Variants in WDR27 observed in about 807,000 individuals in gnomAD.
WDR27 encodes the protein WD repeat domain 27, also known as WD repeat-containing protein 27.
WDR27 carries 100 observed loss-of-function variants against 114.4 expected under a neutral mutation model. The observed-to-expected ratio is 0.87, with a 90% confidence interval of 0.74 to 1.03. WDR27 has a LOEUF of 1.03. Among genes scored for constraint, WDR27 ranks in the 50% least tolerant of loss-of-function variants. The pLI, the probability that WDR27 is intolerant of heterozygous loss-of-function variation, is 0.00. For synonymous variants in WDR27, 449 were observed against 423.1 expected, an observed-to-expected ratio of 1.06 and a Z score of -0.75; for missense variants, 1,129 against 1,092.9, an observed-to-expected ratio of 1.03 and a Z score of -0.47.
At chr6:169,667,319 G>A (rs769148113) in intron 5 of WDR27, 132 bp from the exon 6 acceptor site, 82 of 1,242,256 alleles carry the variant, frequency 6.6e-5, no homozygotes, top group Non-Finnish European at 8.0e-5. Context: ...ACAATAAAAT[G>A]AGCACAAAAA....
chr6:169,614,944 G>T (rs772236925), intron 21 of WDR27, among the ~76,000 whole-genome samples: 1 of 151,950 alleles, frequency 6.6e-6, no homozygotes, highest in Non-Finnish European at 1.5e-5. Flanking sequence ...AGGCTAAAGA[G>T]TAAAAAACTG....
At chr6:169,477,381 C>T (rs1030210157) in intron 25 of WDR27, among the ~76,000 whole-genome samples, 9 of 152,168 alleles carry the variant, frequency 5.9e-5, no homozygotes, top group African/African-American at 1.2e-4. Context: ...ATCCCTCTGG[C>T]GGGAAGGTAT....
downstream of WDR27, among the ~76,000 whole-genome samples, chr6:169,455,090 C>T (rs1271643490): frequency 2.6e-5 from 4 of 152,230 alleles, no homozygotes; most frequent in African/African-American, 4.8e-5. Context: ...CTCCCGGACA[C>T]CCTGGCTGCT....
chr6:169,663,057 C>T (rs1448386502), intron 8 of WDR27, among the ~76,000 whole-genome samples: 2 of 149,284 alleles, frequency 1.3e-5, no homozygotes, highest in Non-Finnish European at 3.0e-5. Context: ...TGTGTATGCA[C>T]CATGGAGTCA....
chr6:169,474,315 AAGATCATCTCTCC>A (rs1786838106), intron 25 of WDR27, among the ~76,000 whole-genome samples: 1 of 152,246 alleles, frequency 6.6e-6, no homozygotes, highest in Admixed American at 6.5e-5. Flanking sequence ...AACTCTGCTG[AAGATCATCTCTCC>A]ATGAATTAGA....
chr6:169,603,061 C>T (rs1344531359), intron 22 of WDR27, among the ~76,000 whole-genome samples: 2 of 151,912 alleles, frequency 1.3e-5, no homozygotes, highest in Admixed American at 6.6e-5. Flanking sequence ...AAGCTGGTCT[C>T]GAACTCCTGA....
At chr6:169,683,178 G>C (rs527387955) in intron 2 of WDR27, among the ~76,000 whole-genome samples, 7 of 152,300 alleles carry the variant, frequency 4.6e-5, no homozygotes, top group Non-Finnish European at 8.8e-5. Flanking sequence ...CAAACCTGGA[G>C]ATATAAATAT....
At chr6:169,590,418 G>A (rs559372739) in intron 23 of WDR27, among the ~76,000 whole-genome samples, 105 of 152,340 alleles carry the variant, frequency 6.9e-4, no homozygotes, top group Non-Finnish European at 1.1e-3. Context: ...TTCAGATACT[G>A]AATTTTTAGT....
chr6:169,633,447 G>T (rs1265929919), intron 20 of WDR27, among the ~76,000 whole-genome samples: 1 of 152,240 alleles, frequency 6.6e-6, no homozygotes, highest in Non-Finnish European at 1.5e-5. Flanking sequence ...GCTGGACTAA[G>T]ATTAGACAGA....
intron 25 of WDR27, among the ~76,000 whole-genome samples, chr6:169,491,353 T>C (rs937160301): frequency 1.3e-5 from 2 of 152,192 alleles, no homozygotes; most frequent in Admixed American, 6.5e-5. Context: ...AGTAATTATT[T>C]TTTGTTAACT....
chr6:169,677,686 T>C (rs1321589514), intron 2 of WDR27, among the ~76,000 whole-genome samples: 1 of 152,238 alleles, frequency 6.6e-6, no homozygotes, highest in Non-Finnish European at 1.5e-5. Flanking sequence ...ACATTCCAGA[T>C]ATCTCCAAGG....
chr6:169,523,173 C>A (rs1292913134), intron 25 of WDR27, among the ~76,000 whole-genome samples: 1 of 151,856 alleles, frequency 6.6e-6, no homozygotes, highest in African/African-American at 2.4e-5. Context: ...GATATGCCAA[C>A]AAATTGAAAA....
chr6:169,498,704 C>T (rs1253952706), intron 25 of WDR27, among the ~76,000 whole-genome samples: 2 of 152,072 alleles, frequency 1.3e-5, no homozygotes, highest in Non-Finnish European at 1.5e-5. Flanking sequence ...TCAGAGAAGA[C>T]GTGAAGTGAA....
rs956537166 is a variant in WDR27, at chr6:169,672,341, T to G, written c.245A>C (p.Lys82Thr). ...TGAGCAGATTAGAAGTGGGTTCACTTTATTTCCAAAAGCCATAGCAGTAAT... is the reference window on the plus strand; with the variant it reads ...TGAGCAGATTAGAAGTGGGTTCACTGTATTTCCAAAAGCCATAGCAGTAAT... ...QPITAMAFGN[K>T]VNPLLICSAS... Residue 82 changes from lysine (K) to threonine (T), a missense_variant, in exon 3 of 26, where the codon AAA becomes ACA. Transcript: ENST00000448612. 1.9e-6 allele frequency: 3 copies of G among 1,612,884 alleles called. No individual in the cohort carries two copies. The highest frequency in any genetic ancestry group is 2.5e-6 in the Non-Finnish European group (3 of 1,179,264).
chr6:169,464,765 T>C (rs1419850288), intron 25 of WDR27, among the ~76,000 whole-genome samples: 1 of 152,166 alleles, frequency 6.6e-6, no homozygotes, highest in Non-Finnish European at 1.5e-5. Context: ...ATTTAAACAA[T>C]GGACAAGAGA....
chr6:169,622,755 G>A (rs1383592513), intron 21 of WDR27, among the ~76,000 whole-genome samples: 3 of 152,160 alleles, frequency 2.0e-5, no homozygotes, highest in Non-Finnish European at 4.4e-5. Flanking sequence ...GAAGCGTCCC[G>A]GTGAAACAGC....
intron 25 of WDR27, among the ~76,000 whole-genome samples, chr6:169,551,768 A>G (rs1798163303): frequency 1.3e-5 from 2 of 151,356 alleles, no homozygotes; most frequent in African/African-American, 4.8e-5. Context: ...AAAAGAAAAG[A>G]AAAGAAAAAA....
chr6:169,487,878 G>A (rs1789150307), intron 25 of WDR27, among the ~76,000 whole-genome samples: 1 of 152,176 alleles, frequency 6.6e-6, no homozygotes, highest in Non-Finnish European at 1.5e-5. Context: ...TGCCATAAAA[G>A]AAGCATGTTT....
At chr6:169,638,803 G>T in intron 17 of WDR27, 143 bp from the exon 18 acceptor site, 1 of 970,236 alleles carries the variant, frequency 1.0e-6, no homozygotes, top group Non-Finnish European at 1.5e-6. Context: ...GCTTCTCCTC[G>T]CCACAGTGAG....
Sources: gnomAD v4.1 joint callset for allele counts (sites outside exome capture counted in the v4.1 genomes callset) on GRCh38, gnomAD v4.1.1 for gene constraint, MANE v1.5 for transcripts, NCBI Gene and HGNC (gene_info 2026-07-23, HGNC 2026-07-21) for gene names.